SMOC1: variants seen among roughly 807,000 people sequenced by gnomAD.
SMOC1 encodes SPARC related modular calcium binding 1, also known as SPARC-related modular calcium-binding protein 1.
Under a neutral mutation model 56.3 loss-of-function variants are expected in SMOC1, and 22 were observed. The ratio of observed to expected loss-of-function variants is 0.39; its 90% CI spans 0.28 to 0.56. The LOEUF (loss-of-function observed/expected upper bound fraction) is 0.56, where lower values mean the gene tolerates loss of function less well. Ranked by LOEUF, SMOC1 falls within the 20% of genes least tolerant of loss-of-function variation. The pLI, the probability that SMOC1 is intolerant of heterozygous loss-of-function variation, is 0.61. For missense variants in SMOC1, 509 were observed against 565.4 expected (o/e 0.90, Z 1.01); for synonymous variants, 193 against 215.0 (o/e 0.90, Z 0.89).
intron 10 of SMOC1, among the ~76,000 whole-genome samples, chr14:70,019,494 A>G (rs1331068805): frequency 6.6e-6 from 1 of 152,142 alleles, no homozygotes; most frequent in East Asian, 1.9e-4. Context: ...TGCTCCCTCT[A>G]ACTTAGGTCC....
rs188292349 is a variant in SMOC1, at chr14:69,950,426, A to G, written c.100-1712A>G. Among the ~76,000 whole-genome samples, 59 of 152,326 alleles carry G rather than the reference A, an allele frequency of 3.9e-4. No homozygotes were observed. In the Middle Eastern group the frequency reaches 0.031, roughly 79 times the overall value. Reference sequence around the variant, plus strand: ...TCTAGAAAAGGGTCAACAAGTTCTCATCTATTTGCTTCACACAAAGGGCCC... The same window carrying G: ...TCTAGAAAAGGGTCAACAAGTTCTCGTCTATTTGCTTCACACAAAGGGCCC... On this transcript the variant is annotated intron_variant, in intron 1 of 11. Coordinates refer to ENST00000361956, the MANE Select transcript of SMOC1 (RefSeq NM_001034852.3).
At chr14:69,983,897 C>T (rs181945057) in intron 5 of SMOC1, among the ~76,000 whole-genome samples, 5 of 152,308 alleles carry the variant, frequency 3.3e-5, no homozygotes, top group South Asian at 4.2e-4. Context: ...TGGTAAAGGC[C>T]GAGGAACTGT....
At chr14:69,901,845 G>C (rs752701694) in intron 1 of SMOC1, among the ~76,000 whole-genome samples, 16 of 152,214 alleles carry the variant, frequency 1.1e-4, no homozygotes, top group Non-Finnish European at 1.9e-4. Context: ...GCATTCTTTG[G>C]TGGCTCTTTG....
At chr14:69,955,350 C>A (rs1362584775) in intron 3 of SMOC1, among the ~76,000 whole-genome samples, 1 of 152,104 alleles carries the variant, frequency 6.6e-6, no homozygotes, top group Non-Finnish European at 1.5e-5. Context: ...AGCCCCCACC[C>A]CTCAGGTAAG....
Position 69,931,215 on chromosome 14 carries a change from G to A in SMOC1, c.100-20923G>A, listed in dbSNP as rs534066983. ...GGCGTCTCCTCTGTCTCCTGCGCAC[G>A]CATGGCCGTTTTATTCAGGGTGCTC... On this transcript the variant is annotated intron_variant, in intron 1 of 11. Coordinates refer to ENST00000361956, the MANE Select transcript of SMOC1 (RefSeq NM_001034852.3). Among the ~76,000 whole-genome samples the A allele has an allele frequency of 2.6e-5, 4 of 152,278 alleles. No individual in the cohort carries two copies. In the East Asian group the frequency reaches 5.8e-4, roughly 22 times the overall value.
intron 1 of SMOC1, among the ~76,000 whole-genome samples, chr14:69,908,041 G>A (rs903730733): frequency 3.3e-5 from 5 of 152,184 alleles, no homozygotes; most frequent in African/African-American, 1.2e-4. Context: ...TCAGACCACA[G>A]CAATAGGTGA....
intron 10 of SMOC1, among the ~76,000 whole-genome samples, chr14:70,013,908 C>A (rs564414397): frequency 9.8e-5 from 15 of 152,288 alleles, no homozygotes; most frequent in Admixed American, 8.5e-4. Flanking sequence ...GAACCAAATG[C>A]CTTTTTGGCA....
chr14:69,892,018 A>T (rs1883975334), intron 1 of SMOC1, among the ~76,000 whole-genome samples: 1 of 152,196 alleles, frequency 6.6e-6, no homozygotes, highest in African/African-American at 2.4e-5. Flanking sequence ...TAAAAAAAAT[A>T]CTGAAGATAT....
chr14:69,961,061 C>G (rs965810573), intron 3 of SMOC1, among the ~76,000 whole-genome samples: 2 of 151,854 alleles, frequency 1.3e-5, no homozygotes, highest in Non-Finnish European at 2.9e-5. Flanking sequence ...GCATTCACTT[C>G]CCATTACCTC....
intron 11 of SMOC1, among the ~76,000 whole-genome samples, chr14:70,023,742 G>A (rs544415461): frequency 6.6e-6 from 1 of 152,198 alleles, no homozygotes; most frequent in South Asian, 2.1e-4. Context: ...ATACATCATG[G>A]CTTGACACAG....
chr14:70,017,428 G>C (rs74061024), intron 10 of SMOC1, among the ~76,000 whole-genome samples: 2 of 152,198 alleles, frequency 1.3e-5, no homozygotes, highest in Non-Finnish European at 2.9e-5. Context: ...GGCATTCTGA[G>C]TTTTGGCCTT....
chr14:69,983,086 G>C (rs986441542), intron 5 of SMOC1, among the ~76,000 whole-genome samples: 1 of 152,166 alleles, frequency 6.6e-6, no homozygotes, highest in African/African-American at 2.4e-5. Flanking sequence ...TGCTCCGCCA[G>C]CTTGGCTCCA....
intron 10 of SMOC1, among the ~76,000 whole-genome samples, chr14:70,020,930 A>G (rs766853999): frequency 6.6e-5 from 10 of 152,198 alleles, no homozygotes; most frequent in Non-Finnish European, 1.0e-4. Context: ...TGAAAGCTGG[A>G]CAGGCGGGAG....
intron 1 of SMOC1, among the ~76,000 whole-genome samples, chr14:69,904,652 G>A (rs1884358399): frequency 6.6e-6 from 1 of 152,250 alleles, no homozygotes. Context: ...AAAAGTAGTA[G>A]AGGCAGTGCA....
chr14:69,899,558 A>G (rs1325250393), intron 1 of SMOC1, among the ~76,000 whole-genome samples: 1 of 152,212 alleles, frequency 6.6e-6, no homozygotes, highest in African/African-American at 2.4e-5. Context: ...CTGTAGAACT[A>G]TGAGCCAACT....
Position 69,962,350 on chromosome 14 carries a change from A to C in SMOC1, c.378+8818A>C, listed in dbSNP as rs1594825710. On this transcript the variant is annotated intron_variant, in intron 3 of 11. Coordinates refer to ENST00000361956, the MANE Select transcript of SMOC1 (RefSeq NM_001034852.3). ...GCTAATTTTTGTATTTTTATATTAGAGATGGGGTTTCACCATGTCGGCCAG... is the reference window on the plus strand; with the variant it reads ...GCTAATTTTTGTATTTTTATATTAGCGATGGGGTTTCACCATGTCGGCCAG... 2.0e-5 allele frequency among the ~76,000 whole-genome samples: 3 copies of C among 152,104 alleles called. No individual in the cohort carries two copies. In the East Asian group the frequency reaches 5.8e-4, roughly 29 times the overall value.
chr14:70,004,801 A>AT (rs1477534890), intron 7 of SMOC1, among the ~76,000 whole-genome samples: 1 of 152,228 alleles, frequency 6.6e-6, no homozygotes, highest in African/African-American at 2.4e-5. Flanking sequence ...ACATACACAC[A>AT]TACATATACG....
chr14:69,969,058 AT>A (rs2139485132), intron 3 of SMOC1, among the ~76,000 whole-genome samples: 2 of 152,330 alleles, frequency 1.3e-5, no homozygotes, highest in African/African-American at 4.8e-5. Context: ...GAAGGAAATT[AT>A]TTCAAGCATA....
chr14:69,930,167 A>ACCCCTGACAGCACCCTTCTCACC (rs1555359814), intron 1 of SMOC1, among the ~76,000 whole-genome samples: 4 of 136,718 alleles, frequency 2.9e-5, no homozygotes, highest in African/African-American at 1.3e-4. Context: ...CAGTGACTGT[A>ACCCCTGACAGCACCCTTCTCACC]CCCCTGACAG....
Sources: allele counts gnomAD v4.1 joint callset (sites outside exome capture counted in the v4.1 genomes callset), GRCh38; gene constraint gnomAD v4.1.1; transcripts MANE v1.5; gene names NCBI Gene and HGNC (gene_info 2026-07-23, HGNC 2026-07-21).